Variants in FCHO2 observed in about 807,000 individuals in gnomAD.
FCHO2 encodes F-BAR domain only protein 2.
Under a neutral mutation model 114.1 loss-of-function variants are expected in FCHO2, and 43 were observed. The observed-to-expected ratio is 0.38, with a 90% CI of 0.30 to 0.49. The LOEUF (loss-of-function observed/expected upper bound fraction) is 0.49, where lower values mean the gene tolerates loss of function less well. Ranked by LOEUF, FCHO2 falls within the 20% of genes least tolerant of loss-of-function variation. The pLI is 0.97. For synonymous variants in FCHO2, 293 were observed against 315.2 expected (o/e 0.93, Z 0.75); for missense variants, 807 against 950.4 (o/e 0.85, Z 1.98).
intron 1 of FCHO2, among the ~76,000 whole-genome samples, chr5:72,957,149 C>T (rs1027427349): frequency 1.7e-4 from 26 of 152,252 alleles, no homozygotes; most frequent in Non-Finnish European, 3.4e-4. Context: ...ATTTATTTGT[C>T]TTGAATGTAC....
chr5:73,013,991 G>C (rs993344727), intron 6 of FCHO2, among the ~76,000 whole-genome samples: 2 of 151,460 alleles, frequency 1.3e-5, no homozygotes, highest in Non-Finnish European at 3.0e-5. Context: ...GCCTCTCAGA[G>C]CTTTTGATAT....
intron 8 of FCHO2, among the ~76,000 whole-genome samples, chr5:73,028,519 C>T (rs1006165223): frequency 2.0e-5 from 3 of 151,978 alleles, no homozygotes; most frequent in African/African-American, 7.3e-5. Flanking sequence ...TATTTCCATG[C>T]AGTGAAGTAC....
intron 12 of FCHO2, 136 bp from the exon 13 acceptor site, chr5:73,052,196 T>C (rs1382643628): frequency 2.5e-6 from 2 of 790,040 alleles, no homozygotes; most frequent in Non-Finnish European, 4.0e-6. Context: ...GTCCTGGGAT[T>C]ACAGGCGTGA....
chr5:72,996,232 A>G, intron 5 of FCHO2, among the ~76,000 whole-genome samples: 1 of 119,482 alleles, frequency 8.4e-6, no homozygotes, highest in East Asian at 2.8e-4. Context: ...AACAAGAACG[A>G]AACTCTGTCT....
intron 9 of FCHO2, among the ~76,000 whole-genome samples, chr5:73,035,866 C>A (rs546876586): frequency 6.6e-6 from 1 of 151,810 alleles, no homozygotes; most frequent in African/African-American, 2.4e-5. Flanking sequence ...TTTTTTGAGA[C>A]GGGGTCTTGC....
At chr5:73,024,985 A>G (rs1449485404) in intron 8 of FCHO2, among the ~76,000 whole-genome samples, 1 of 152,150 alleles carries the variant, frequency 6.6e-6, no homozygotes, top group East Asian at 1.9e-4. Flanking sequence ...GGTAGGAGGT[A>G]ATAGGGAAGC....
chr5:73,055,276 A>G (rs988484856), intron 15 of FCHO2, among the ~76,000 whole-genome samples: 4 of 152,194 alleles, frequency 2.6e-5, no homozygotes, highest in African/African-American at 7.2e-5. Context: ...ATGCAGAAAT[A>G]TTGAAGAATA....
chr5:73,077,187 A>T, intron 20 of FCHO2, 151 bp from the exon 21 acceptor site: 1 of 498,570 alleles, frequency 2.0e-6, no homozygotes, highest in Non-Finnish European at 3.2e-6. Flanking sequence ...AATTGAAAAA[A>T]TAATCTATAG....
intron 23 of FCHO2, 114 bp downstream of exon 23, chr5:73,082,096 T>C: frequency 1.1e-6 from 1 of 882,038 alleles, no homozygotes; most frequent in African/African-American, 1.7e-5. Context: ...TGTGCCTTTT[T>C]CCATAGAAAC....
intron 1 of FCHO2, among the ~76,000 whole-genome samples, chr5:72,957,467 C>T (rs1398350574): frequency 1.3e-5 from 2 of 152,206 alleles, no homozygotes; most frequent in African/African-American, 2.4e-5. Context: ...ATAAATGGGG[C>T]CATGGTGACC....
At chr5:73,066,040 G>A (rs1233493985) in intron 18 of FCHO2, among the ~76,000 whole-genome samples, 1 of 151,958 alleles carries the variant, frequency 6.6e-6, no homozygotes, top group African/African-American at 2.4e-5. Context: ...ATGGCCTCCA[G>A]TTCTATCCAT....
intron 2 of FCHO2, among the ~76,000 whole-genome samples, chr5:72,989,073 T>C (rs1250713146): frequency 6.6e-6 from 1 of 151,848 alleles, no homozygotes; most frequent in East Asian, 1.9e-4. Flanking sequence ...AGCTGGGTGT[T>C]GTGGGGCATG....
chr5:72,987,567 A>C (rs1160473664), intron 2 of FCHO2, among the ~76,000 whole-genome samples: 2 of 151,410 alleles, frequency 1.3e-5, no homozygotes, highest in Non-Finnish European at 2.9e-5. Flanking sequence ...TGAACTCCTG[A>C]CCTCAGGTGA....
chr5:72,987,815 G>T (rs944330942), intron 2 of FCHO2, among the ~76,000 whole-genome samples: 1 of 152,196 alleles, frequency 6.6e-6, no homozygotes, highest in Non-Finnish European at 1.5e-5. Context: ...TACTATCAGC[G>T]AGAGGCAGTT....
chr5:73,068,813 A>C (rs1328842433), intron 19 of FCHO2, 34 bp downstream of exon 19: 1 of 1,598,756 alleles, frequency 6.3e-7, no homozygotes, highest in Admixed American at 1.7e-5. Flanking sequence ...TGTGAAATGT[A>C]GTGTACAAAG....
chr5:72,964,817 C>A (rs554449685), intron 1 of FCHO2, among the ~76,000 whole-genome samples: 6 of 152,260 alleles, frequency 3.9e-5, no homozygotes, highest in African/African-American at 1.4e-4. Context: ...ATTTCACTTT[C>A]CACAGTTTCA....
chr5:72,981,534 A>G (rs1406367644), intron 2 of FCHO2, among the ~76,000 whole-genome samples: 1 of 152,182 alleles, frequency 6.6e-6, no homozygotes, highest in Non-Finnish European at 1.5e-5. Flanking sequence ...TATCCTGAAG[A>G]GTGTTTTCCA....
intron 2 of FCHO2, among the ~76,000 whole-genome samples, chr5:72,981,006 T>C (rs1384346155): frequency 6.6e-6 from 1 of 152,202 alleles, no homozygotes; most frequent in African/African-American, 2.4e-5. Flanking sequence ...CTGGTTATTT[T>C]GCCCATTAGT....
intron 1 of FCHO2, among the ~76,000 whole-genome samples, chr5:72,957,487 C>A (rs1314066739): frequency 6.6e-6 from 1 of 152,202 alleles, no homozygotes; most frequent in Non-Finnish European, 1.5e-5. Flanking sequence ...CAGTTTCTTT[C>A]ACTTAGCATA....
Sources: gnomAD v4.1 joint callset for allele counts (sites outside exome capture counted in the v4.1 genomes callset) on GRCh38, gnomAD v4.1.1 for gene constraint, MANE v1.5 for transcripts, NCBI Gene and HGNC (gene_info 2026-07-23, HGNC 2026-07-21) for gene names.